Variants in ELK1 observed in about 807,000 individuals in gnomAD.
The protein encoded by ELK1 is ETS domain-containing protein Elk-1.
For missense variants in ELK1, 254 were observed against 381.5 expected (o/e 0.67, Z 2.78); for synonymous variants, 163 against 176.3 (o/e 0.92, Z 0.60).
At position 47,637,907 on chromosome X, in the gene ELK1, C is replaced by T. The variant is rs971394376; in HGVS notation, c.930G>A (p.Pro310=). The T allele has an allele frequency of 3.3e-6, 4 of 1,204,816 alleles. No individual in the cohort carries two copies. Among genetic ancestry groups the T allele is most frequent in the South Asian group, 1.8e-5 (1 of 56,246 alleles). The change falls in exon 5 of 7, where the codon CCG becomes CCA. Residue 310 remains proline, a synonymous_variant. Coordinates refer to ENST00000376983, the MANE Select transcript of ELK1 (RefSeq NM_001114123.3). The part of the protein sequence containing the change: ...HAASSPEISQ[P]QKGRKPRDLE... The stretch of plus-strand genomic sequence containing the variant: ...GGTCCCGGGGCTTCCGGCCCTTCTG[C>T]GGCTGGGAGATCTCAGGGCTGGAAG...
chrX:47,648,734 A>C (rs1185483690), intron 2 of ELK1, among the ~76,000 whole-genome samples: 1 of 111,970 alleles, frequency 8.9e-6, no homozygotes, highest in Non-Finnish European at 1.9e-5. Context: ...TACTTGTTTT[A>C]CCATTAATTC....
Position 47,650,450 on chromosome X carries a change from C to G in ELK1, c.-168G>C, listed in dbSNP as rs780015299. On this transcript the variant is annotated 5_prime_UTR_variant, in exon 1 of 7. Transcript: ENST00000376983. ...GTGTGTAGCGTGGCGGTGGCGTTGG[C>G]AATGTTGGCAGCTCCGGGGGGCGGG... 1 of 357,658 alleles carries G rather than the reference C, an allele frequency of 2.8e-6. No individual in the cohort carries two copies. Among genetic ancestry groups the G allele is most frequent in the African/African-American group, 2.6e-5 (1 of 37,754 alleles). The allele number at this position is 357,658 out of a possible 1,213,427, so 29.5% of individuals were successfully genotyped here.
chrX:47,639,664 A>C (rs1197598762), intron 3 of ELK1, among the ~76,000 whole-genome samples: 1 of 108,237 alleles, frequency 9.2e-6, no homozygotes, highest in Non-Finnish European at 1.9e-5. Context: ...TCCCTTTGTC[A>C]CTCTCCAGGT....
intron 2 of ELK1, among the ~76,000 whole-genome samples, chrX:47,643,211 C>T: frequency 8.9e-6 from 1 of 112,168 alleles, no homozygotes. Context: ...GCATGAGGCA[C>T]CACGCTTGGC....
rs747220403 is a variant in ELK1, at chrX:47,650,549, G to C, written c.-267C>G. 3.1e-6 allele frequency: 1 copy of C among 321,416 alleles called. No individual in the cohort carries two copies. Among genetic ancestry groups the C allele is most frequent in the Non-Finnish European group, 5.9e-6 (1 of 170,179 alleles). The allele number at this position is 321,416 out of a possible 1,213,427, so 26.5% of individuals were successfully genotyped here. A position where few individuals can be genotyped will look rare whatever the true frequency, so the allele number is the denominator to read the frequency against. ...CGGTGGAGGTGGTGGTGGCGGTGGC[G>C]GCGGCAGCACCTAGAAGCCGCCCCT... On this transcript the variant is annotated 5_prime_UTR_variant, in exon 1 of 7. Transcript: ENST00000376983.
chrX:47,638,171 G>A lies in ELK1; in HGVS notation c.666C>T (p.Thr222=). ...EAGLPLQVIL[T]PPEAPNLKSE... ...ATTTCAGGTTTGGGGCCTCGGGCGG[G>A]GTCAGGATGACCTGGTAGAGGAGCA... Residue 222 remains threonine (T), a synonymous_variant, in exon 5 of 7, where the codon ACC becomes ACT. Transcript: ENST00000376983. The A allele has an allele frequency of 8.3e-7, 1 of 1,209,001 alleles. No homozygotes were observed. The highest frequency in any genetic ancestry group is 1.1e-6 in the Non-Finnish European group (1 of 894,180).
rs1205657053 is a variant in ELK1, at chrX:47,638,103, G to A, written c.734C>T (p.Pro245Leu). Residue 245 changes from proline to leucine, a missense_variant, in exon 5 of 7, where the codon CCC (proline) becomes CTC (leucine). Transcript: ENST00000376983. The stretch of plus-strand genomic sequence containing the variant: ...GGGCCCTTCTACTTTCACTTCTGGG[G>A]GCAAAGCCCGGCCCAAACCCGGCTC... ...NVEPGLGRALPPEVKVEGPKE... is the reference protein window; with the variant it reads ...NVEPGLGRALLPEVKVEGPKE... 1.7e-6 allele frequency: 2 copies of A among 1,210,686 alleles called. No homozygotes were observed. Among genetic ancestry groups the A allele is most frequent in the East Asian group, 3.0e-5 (1 of 33,804 alleles).
At position 47,650,465 on chromosome X, in the gene ELK1, C is replaced by CG. The variant is rs766410990; in HGVS notation, c.-184dup. The stretch of plus-strand genomic sequence containing the variant: ...GTGGCGTTGGCAATGTTGGCAGCTC[C>CG]GGGGGGCGGGGGCTCCATACGCGGC... On this transcript the variant is annotated 5_prime_UTR_variant, in exon 1 of 7. The change creates a premature stop within an existing upstream ORF in the 5' untranslated region. Transcript: ENST00000376983. The CG allele has an allele frequency of 2.8e-6, 1 of 351,983 alleles. No individual in the cohort carries two copies. The highest frequency in any genetic ancestry group is 5.5e-6 in the Non-Finnish European group (1 of 181,576). 29.0% of individuals were successfully genotyped at this position (351,983 alleles called of 1,213,427 possible).
intron 2 of ELK1, among the ~76,000 whole-genome samples, chrX:47,642,287 T>A (rs149634306): frequency 0.018 from 2,064 of 112,699 alleles, 20 homozygotes; most frequent in Middle Eastern, 0.055. Context: ...ACAAATGTGT[T>A]GTTTTAAGCA....
At position 47,641,436 on chromosome X, in the gene ELK1, G is replaced by T. The variant is rs929560262; in HGVS notation, c.6C>A (p.Asp2Glu). The change falls in exon 3 of 7, where the codon GAC becomes GAA. Residue 2 changes from aspartate to glutamate, a missense_variant. Physicochemically the swap from Asp to Glu is conservative, Grantham distance 45 (BLOSUM62 2). Transcript: ENST00000376983. ...GAAACTGCCACAGCGTCACAGATGG[G>T]TCCATCGCTGGGGGAGTGCTCACGC... M[D>E]PSVTLWQFLL... 7 of 1,206,627 alleles carry T rather than the reference G, an allele frequency of 5.8e-6. No homozygotes were observed. Among genetic ancestry groups the T allele is most frequent in the Non-Finnish European group, 6.7e-6 (6 of 893,248 alleles).
chrX:47,637,821 G>A lies in ELK1; in HGVS notation c.1016C>T (p.Ser339Leu). The change falls in exon 5 of 7, where the codon TCG becomes TTG. Residue 339 changes from serine (S) to leucine (L), a missense_variant. Transcript: ENST00000376983. ...AGCCTGGAGGCCGGAGCCACTTCCC[G>A]ATCCTGGGGTCCGTTCGGGTCCCGG... ...GGPGPERTPGSGSGSGLQAPG... is the reference protein window; with the variant it reads ...GGPGPERTPGLGSGSGLQAPG... 2.5e-6 allele frequency: 3 copies of A among 1,194,104 alleles called. No homozygotes were observed. The highest frequency in any genetic ancestry group is 2.3e-6 in the Non-Finnish European group (2 of 885,711).
rs2058008785 is a variant in ELK1 at position 47,636,582 on chromosome X, A to G, written c.*247T>C. On this transcript the variant is annotated 3_prime_UTR_variant, in exon 7 of 7. Transcript: ENST00000376983. ...AATAAATAAACCGCCCCTACCATTGAAGTAGGAGACGTGTAAGGGCGGCCA... is the reference window on the plus strand; with the variant it reads ...AATAAATAAACCGCCCCTACCATTGGAGTAGGAGACGTGTAAGGGCGGCCA... 1.5e-5 allele frequency: 5 copies of G among 331,109 alleles called. No individual in the cohort carries two copies. In the East Asian group the frequency reaches 2.3e-4, roughly 15 times the overall value. 27.3% of individuals were successfully genotyped at this position (331,109 alleles called of 1,213,427 possible). A position where few individuals can be genotyped will look rare whatever the true frequency, so the allele number is the denominator to read the frequency against.
chrX:47,646,666 G>A (rs917219497), intron 2 of ELK1, among the ~76,000 whole-genome samples: 7 of 112,440 alleles, frequency 6.2e-5, no homozygotes, highest in African/African-American at 1.6e-4. Flanking sequence ...AGGCACCACC[G>A]TGTGGTAAAC....
rs752547814 is a variant in ELK1, at chrX:47,638,197, G to A, written c.655-15C>T. The A allele has an allele frequency of 5.8e-6, 7 of 1,200,922 alleles. No homozygotes were observed. In the Admixed American group the frequency reaches 1.6e-4, roughly 27 times the overall value. On this transcript the variant is annotated splice_polypyrimidine_tract_variant and intron_variant, in intron 4 of 6. Coordinates refer to ENST00000376983, the MANE Select transcript of ELK1 (RefSeq NM_001114123.3). ...GTCAGGATGACCTGGTAGAGGAGCA[G>A]GCACAAAGAGGGTGTGTAAGGATTG...
At chrX:47,645,472 C>T (rs894818697) in intron 2 of ELK1, among the ~76,000 whole-genome samples, 3 of 111,888 alleles carry the variant, frequency 2.7e-5, no homozygotes, top group South Asian at 3.7e-4. Flanking sequence ...AGTGAGCAAT[C>T]GCCTTACACC....
At chrX:47,642,525 C>T (rs904433471) in intron 2 of ELK1, among the ~76,000 whole-genome samples, 1 of 110,454 alleles carries the variant, frequency 9.1e-6, no homozygotes, top group African/African-American at 3.3e-5. Context: ...TTTATGAAGC[C>T]GTCCTAAAAC....
chrX:47,637,264 G>A (rs991062196), intron 5 of ELK1, 150 bp from the exon 6 acceptor site: 2 of 569,007 alleles, frequency 3.5e-6, no homozygotes, highest in African/African-American at 4.6e-5. Flanking sequence ...AACCATGGAG[G>A]CCATGCCTAT....
At chrX:47,645,072 C>G (rs1425875180) in intron 2 of ELK1, among the ~76,000 whole-genome samples, 2 of 110,099 alleles carry the variant, frequency 1.8e-5, no homozygotes, top group African/African-American at 6.6e-5. Context: ...GAGAAGGGTC[C>G]AGGGTGAGTC....
chrX:47,650,518 AGGC>A lies in ELK1; in HGVS notation c.-239_-237del, dbSNP rs1430693718. The A allele has an allele frequency of 6.2e-6, 2 of 322,565 alleles. No individual in the cohort carries two copies. Among genetic ancestry groups the A allele is most frequent in the Admixed American group, 7.8e-5 (2 of 25,653 alleles). The allele number at this position is 322,565 out of a possible 1,213,427, so 26.6% of individuals were successfully genotyped here. On this transcript the variant is annotated 5_prime_UTR_variant, in exon 1 of 7. Coordinates refer to ENST00000376983, the MANE Select transcript of ELK1 (RefSeq NM_001114123.3). ...CACCGCCCCCCAGGCCTGGGTTCCGAGGCGGCGGTGGAGGTGGTGGTGGCGGTG... is the reference window on the plus strand; with the variant it reads ...CACCGCCCCCCAGGCCTGGGTTCCGAGGCGGTGGAGGTGGTGGTGGCGGTG...
Sources: gnomAD v4.1 joint callset for allele counts (sites outside exome capture counted in the v4.1 genomes callset) on GRCh38, gnomAD v4.1.1 for gene constraint, MANE v1.5 for transcripts, NCBI Gene and HGNC (gene_info 2026-07-23, HGNC 2026-07-21) for gene names.